Variants in SLCO5A1 observed in about 807,000 individuals in gnomAD.
The protein encoded by SLCO5A1 is organic anion transporter polypeptide-related protein 4.
SLCO5A1 carries 39 observed loss-of-function variants against 65.1 expected under a neutral mutation model. The ratio of observed to expected loss-of-function variants is 0.60; its 90% confidence interval spans 0.46 to 0.78. The LOEUF (loss-of-function observed/expected upper bound fraction) is 0.78. Among genes scored for constraint, SLCO5A1 ranks in the 30% least tolerant of loss-of-function variants. The pLI, the probability that SLCO5A1 is intolerant of heterozygous loss-of-function variation, is 0.00. For synonymous variants in SLCO5A1, 438 were observed against 415.7 expected, an observed-to-expected ratio of 1.05 and a Z score of -0.65; for missense variants, 1,029 against 1,069.4, an observed-to-expected ratio of 0.96 and a Z score of 0.53.
rs770780964 is a variant in SLCO5A1 at position 69,705,006 on chromosome 8, G to A, written c.1622+25C>T. 1.7e-5 allele frequency: 27 copies of A among 1,600,414 alleles called. No individual in the cohort carries two copies. In the East Asian group the frequency reaches 1.8e-4, roughly 11 times the overall value. On this transcript the variant is annotated intron_variant, in intron 6 of 9. Transcript: ENST00000260126. ...CTTTGCACCTCCATCGTGCAGACAC[G>A]ACACGGCTCTTAAGAGGTACTTACC...
chr8:69,699,109 A>G (rs554258131), intron 6 of SLCO5A1, among the ~76,000 whole-genome samples: 1 of 152,162 alleles, frequency 6.6e-6, no homozygotes, highest in South Asian at 2.1e-4. Flanking sequence ...ACAGTAACAC[A>G]AGAAAGATAT....
Position 69,832,827 on chromosome 8 carries a change from A to C in SLCO5A1, c.-154T>G. 1.2e-6 allele frequency: 1 copy of C among 814,754 alleles called. No individual in the cohort carries two copies. The highest frequency in any genetic ancestry group is 1.9e-6 in the Non-Finnish European group (1 of 533,446). The allele number at this position is 814,754 out of a possible 1,614,324, so 50.5% of individuals were successfully genotyped here. On this transcript the variant is annotated 5_prime_UTR_variant, in exon 2 of 10. Coordinates refer to ENST00000260126, the MANE Select transcript of SLCO5A1 (RefSeq NM_030958.3). This position sits in a 1 kb window ranked among gnomAD's most constrained non-coding sequence, Gnocchi z 4.5. ...GGCCGCGCAGCAGGGCATCCTCACC[A>C]GCTGCGAGGCGCCCAGTGCATCCTG...
intron 4 of SLCO5A1, among the ~76,000 whole-genome samples, chr8:69,742,241 G>T (rs1816815427): frequency 6.6e-6 from 1 of 152,148 alleles, no homozygotes. Context: ...AGAAGACTAA[G>T]TTAGCAAAGA....
At chr8:69,815,065 G>A (rs1044162846) in intron 2 of SLCO5A1, among the ~76,000 whole-genome samples, 2 of 152,146 alleles carry the variant, frequency 1.3e-5, no homozygotes, top group Non-Finnish European at 2.9e-5. Context: ...TCAGGGAGGA[G>A]AAATGTTTTT....
intron 5 of SLCO5A1, among the ~76,000 whole-genome samples, chr8:69,723,219 A>T (rs756164391): frequency 2.6e-4 from 40 of 152,160 alleles, no homozygotes; most frequent in Non-Finnish European, 4.4e-4. Flanking sequence ...TGCATGATGA[A>T]TGTTTGAATA....
chr8:69,708,067 C>A (rs1563674664), intron 5 of SLCO5A1, among the ~76,000 whole-genome samples: 1 of 152,178 alleles, frequency 6.6e-6, no homozygotes, highest in Non-Finnish European at 1.5e-5. Context: ...AAAACTACAA[C>A]ATTCGGATGA....
intron 2 of SLCO5A1, among the ~76,000 whole-genome samples, chr8:69,765,075 C>A (rs1350789743): frequency 1.3e-5 from 2 of 152,136 alleles, no homozygotes; most frequent in African/African-American, 4.8e-5. Context: ...ACATTTATTT[C>A]TATTATATAG....
Position 69,832,713 on chromosome 8 carries a change from G to A in SLCO5A1, c.-40C>T, listed in dbSNP as rs1220155900. ...AGATTTGATAGCTGATGGCACCCAA[G>A]CACTCCGGCACGTTTCATCCACCGG... On this transcript the variant is annotated 5_prime_UTR_variant, in exon 2 of 10. Transcript: ENST00000260126. This position sits in a 1 kb window ranked among gnomAD's most constrained non-coding sequence, Gnocchi z 4.5. 1.3e-6 allele frequency: 2 copies of A among 1,542,634 alleles called. No individual in the cohort carries two copies. The highest frequency in any genetic ancestry group is 2.4e-5 in the South Asian group (2 of 82,132).
intron 2 of SLCO5A1, among the ~76,000 whole-genome samples, chr8:69,800,318 A>G (rs115808312): frequency 0.014 from 2,066 of 148,118 alleles, 50 homozygotes; most frequent in African/African-American, 0.047. Flanking sequence ...CAGTAGCACA[A>G]TCACAAATCA....
chr8:69,752,763 C>G (rs1277412589), intron 4 of SLCO5A1, among the ~76,000 whole-genome samples: 1 of 152,132 alleles, frequency 6.6e-6, no homozygotes, highest in Non-Finnish European at 1.5e-5. Flanking sequence ...TAAAATGAAT[C>G]AGCTGTGTGT....
chr8:69,815,599 T>A (rs1010233089), intron 2 of SLCO5A1, among the ~76,000 whole-genome samples: 2 of 151,738 alleles, frequency 1.3e-5, no homozygotes, highest in African/African-American at 4.8e-5. Context: ...CTTGTCTTGA[T>A]GTTTTCTTTT....
intron 2 of SLCO5A1, among the ~76,000 whole-genome samples, chr8:69,803,195 C>T (rs1165905244): frequency 6.6e-6 from 1 of 151,946 alleles, no homozygotes; most frequent in African/African-American, 2.4e-5. Flanking sequence ...GCGGGTGGAT[C>T]ATCTGAGGTT....
At chr8:69,815,433 T>C (rs1454864662) in intron 2 of SLCO5A1, among the ~76,000 whole-genome samples, 2 of 152,170 alleles carry the variant, frequency 1.3e-5, no homozygotes, top group African/African-American at 4.8e-5. Flanking sequence ...GTCCATTTGT[T>C]TATTTTAGTT....
At chr8:69,725,421 T>G (rs1218705185) in intron 5 of SLCO5A1, among the ~76,000 whole-genome samples, 1 of 152,034 alleles carries the variant, frequency 6.6e-6, no homozygotes, top group African/African-American at 2.4e-5. Flanking sequence ...CAATTCAACC[T>G]CAGTTCCATC....
At chr8:69,790,759 A>G (rs1319107654) in intron 2 of SLCO5A1, among the ~76,000 whole-genome samples, 2 of 152,220 alleles carry the variant, frequency 1.3e-5, no homozygotes, top group East Asian at 3.8e-4. Flanking sequence ...ATGAACTAAA[A>G]ACAAAAAGAA....
intron 5 of SLCO5A1, among the ~76,000 whole-genome samples, chr8:69,736,412 C>T (rs1359275708): frequency 6.6e-6 from 1 of 152,158 alleles, no homozygotes; most frequent in African/African-American, 2.4e-5. Flanking sequence ...TAATGCCTAC[C>T]CGGCTCAGCA....
Position 69,759,172 on chromosome 8 carries a change from A to C in SLCO5A1, c.1040+2571T>G, listed in dbSNP as rs1300908896. Among the ~76,000 whole-genome samples the C allele has an allele frequency of 1.3e-5, 2 of 152,188 alleles. 1 individual carries two copies. On this transcript the variant is annotated intron_variant, in intron 3 of 9. Coordinates refer to ENST00000260126, the MANE Select transcript of SLCO5A1 (RefSeq NM_030958.3). ...TCCTTCTCCCTTTCAGCATGTGCCC[A>C]TTGAAAACTTATCACTGCTGCTAGA...
At chr8:69,740,754 T>G (rs1816758812) in intron 4 of SLCO5A1, among the ~76,000 whole-genome samples, 1 of 152,204 alleles carries the variant, frequency 6.6e-6, no homozygotes, top group Non-Finnish European at 1.5e-5. Context: ...AAAAATGTGC[T>G]CATGGAATGG....
At chr8:69,747,517 T>C (rs184872781) in intron 4 of SLCO5A1, among the ~76,000 whole-genome samples, 1 of 152,302 alleles carries the variant, frequency 6.6e-6, no homozygotes. Flanking sequence ...ACTATTTACA[T>C]AGCATTAACA....
Sources: allele counts gnomAD v4.1 joint callset (sites outside exome capture counted in the v4.1 genomes callset), GRCh38; gene constraint gnomAD v4.1.1; non-coding constraint Gnocchi (gnomAD v3.1); transcripts MANE v1.5; gene names NCBI Gene and HGNC (gene_info 2026-07-23, HGNC 2026-07-21).